Variants in USP30 observed in about 807,000 individuals in gnomAD.
USP30 encodes the protein ubiquitin carboxyl-terminal hydrolase 30.
In USP30, 41 loss-of-function variants were observed where a neutral mutation model predicts 68.2. The observed-to-expected ratio is 0.60, with a 90% CI of 0.47 to 0.78. The LOEUF is 0.78. Ranked by LOEUF, USP30 falls within the 30% of genes least tolerant of loss-of-function variation. The pLI is 0.00. For synonymous variants in USP30, 229 were observed against 253.7 expected, an observed-to-expected ratio of 0.90 and a Z score of 0.93; for missense variants, 522 against 649.4, an observed-to-expected ratio of 0.80 and a Z score of 2.13.
chr12:109,043,343 A>G (rs932093812), intron 3 of USP30, among the ~76,000 whole-genome samples: 1 of 152,202 alleles, frequency 6.6e-6, no homozygotes, highest in Non-Finnish European at 1.5e-5. Context: ...TTCATAACTT[A>G]CTACAAAGCC....
intron 3 of USP30, among the ~76,000 whole-genome samples, chr12:109,061,393 TAAAAA>T (rs57688181): frequency 1.4e-5 from 2 of 138,890 alleles, no homozygotes; most frequent in African/African-American, 5.3e-5. Flanking sequence ...AACTTTGGTT[TAAAAA>T]AAAAAAAAAA....
intron 3 of USP30, among the ~76,000 whole-genome samples, chr12:109,045,947 C>G (rs1388805845): frequency 2.0e-5 from 3 of 152,110 alleles, no homozygotes; most frequent in Non-Finnish European, 4.4e-5. Context: ...AGAATTGGCT[C>G]ACACAGTTGT....
chr12:109,083,086 G>A, intron 11 of USP30, 24 bp downstream of exon 11: 1 of 1,562,982 alleles, frequency 6.4e-7, no homozygotes, highest in Non-Finnish European at 8.7e-7. Flanking sequence ...AGGAGCCGAT[G>A]CAGCAGGAAT....
intron 3 of USP30, among the ~76,000 whole-genome samples, chr12:109,063,966 G>C (rs1050057490): frequency 2.5e-4 from 37 of 148,472 alleles, no homozygotes; most frequent in African/African-American, 8.0e-4. Flanking sequence ...TCCGCCTCCT[G>C]AGTTCTAAGC....
chr12:109,052,970 A>C lies in USP30; in HGVS notation c.83+209A>C, dbSNP rs1193918382. The C allele has an allele frequency of 2.3e-5, 10 of 439,644 alleles. No homozygotes were observed. In the Admixed American group the frequency reaches 4.0e-4, roughly 17 times the overall value. 27.2% of individuals were successfully genotyped at this position (439,644 alleles called of 1,614,324 possible). On this transcript the variant is annotated intron_variant, in intron 1 of 12. Transcript: ENST00000257548. ...CTTCGGCAACACCAATTCTGTCTGCACTCCCCAGGTCTGTCAGTCCCTCCC... is the reference window on the plus strand; with the variant it reads ...CTTCGGCAACACCAATTCTGTCTGCCCTCCCCAGGTCTGTCAGTCCCTCCC...
At chr12:109,024,029 G>C (rs1430908232) in intron 1 of USP30, among the ~76,000 whole-genome samples, 2 of 152,094 alleles carry the variant, frequency 1.3e-5, no homozygotes, top group Non-Finnish European at 2.9e-5. Context: ...GGTTAAAGCA[G>C]GCTCAGTCCT....
At position 109,086,005 on chromosome 12, in the gene USP30, G is replaced by T; in HGVS notation, c.*74G>T. 1 of 1,502,150 alleles carries T rather than the reference G, an allele frequency of 6.7e-7. No homozygotes were observed. The highest frequency in any genetic ancestry group is 1.4e-5 in the African/African-American group (1 of 72,402). 93.1% of individuals were successfully genotyped at this position (1,502,150 alleles called of 1,614,324 possible). ...AGGAAAAAAGTAAAACTGTACTGTT[G>T]CGTGTGCAAGCGGCCCCACTAGAGC... On this transcript the variant is annotated 3_prime_UTR_variant, in exon 13 of 13. Coordinates refer to ENST00000257548, the MANE Select transcript of USP30 (RefSeq NM_032663.5).
intron 3 of USP30, among the ~76,000 whole-genome samples, chr12:109,046,672 C>T (rs907050984): frequency 9.2e-5 from 14 of 152,132 alleles, no homozygotes; most frequent in African/African-American, 3.1e-4. Context: ...AGCCAGCCAG[C>T]TGGAAGGTCT....
intron 3 of USP30, among the ~76,000 whole-genome samples, chr12:109,059,499 A>G (rs1003640245): frequency 1.3e-5 from 2 of 150,986 alleles, no homozygotes; most frequent in Non-Finnish European, 2.9e-5. Flanking sequence ...CCTGGCCCCA[A>G]CTTCATTTTT....
chr12:109,060,686 G>A lies in USP30; in HGVS notation c.376+2578G>A, dbSNP rs564400837. 2.6e-5 allele frequency among the ~76,000 whole-genome samples: 4 copies of A among 152,050 alleles called. No homozygotes were observed. In the East Asian group the frequency reaches 5.8e-4, roughly 22 times the overall value. ...TTCCTTTTTTTTTGAGATGAGTCTC[G>A]TCTTGTCACTCAGGCTGGAATGCAG... On this transcript the variant is annotated intron_variant, in intron 3 of 12. Transcript: ENST00000257548.
At chr12:109,079,339 C>CTTTTTTTTT (rs750712233) in intron 7 of USP30, among the ~76,000 whole-genome samples, 103 of 62,258 alleles carry the variant, frequency 1.7e-3, no homozygotes, top group Admixed American at 2.3e-3. Context: ...TTTTCTTTTT[C>CTTTTTTTTT]TTTTTTTTTT....
upstream of USP30, among the ~76,000 whole-genome samples, chr12:109,050,197 G>A (rs2040646787): frequency 6.6e-6 from 1 of 152,164 alleles, no homozygotes; most frequent in Non-Finnish European, 1.5e-5. Flanking sequence ...GGGAGGCTGA[G>A]ACAGGAGAAT....
At chr12:109,050,945 G>C (rs1195191097), upstream of USP30, among the ~76,000 whole-genome samples, 2 of 151,940 alleles carry the variant, frequency 1.3e-5, no homozygotes, top group Non-Finnish European at 2.9e-5. Flanking sequence ...AGGCGAGATC[G>C]TGCCATTGCA....
chr12:109,028,664 G>C (rs1312960618), intron 3 of USP30, among the ~76,000 whole-genome samples: 1 of 152,042 alleles, frequency 6.6e-6, no homozygotes, highest in Non-Finnish European at 1.5e-5. Context: ...TTTTAGTAGA[G>C]AGGGGTTTCA....
chr12:109,053,725 C>T (rs915692162), intron 1 of USP30: 1 of 243,712 alleles, frequency 4.1e-6, no homozygotes, highest in African/African-American at 2.3e-5. Flanking sequence ...ATCTTTTCAT[C>T]CGCAGGCCCC....
chr12:109,050,477 T>C (rs1032788804), upstream of USP30, among the ~76,000 whole-genome samples: 1 of 152,180 alleles, frequency 6.6e-6, no homozygotes, highest in Admixed American at 6.5e-5. Context: ...ATCTAATGCA[T>C]TGATTTCTTT....
At chr12:109,048,016 G>A (rs553224647), upstream of USP30, among the ~76,000 whole-genome samples, 3 of 151,096 alleles carry the variant, frequency 2.0e-5, no homozygotes, top group South Asian at 6.3e-4. Context: ...GTATCTCGGA[G>A]TTTTCCAGAG....
At chr12:109,068,978 T>C (rs1247984436) in intron 4 of USP30, among the ~76,000 whole-genome samples, 1 of 152,242 alleles carries the variant, frequency 6.6e-6, no homozygotes, top group Non-Finnish European at 1.5e-5. Flanking sequence ...GAGGATGCAT[T>C]GGGCCAAAGG....
intron 7 of USP30, among the ~76,000 whole-genome samples, chr12:109,079,333 C>G (rs372549231): frequency 2.0e-4 from 7 of 34,608 alleles, no homozygotes; most frequent in African/African-American, 6.9e-4. Context: ...TTTTTCTTTT[C>G]TTTTTCTTTT....
Sources: gnomAD v4.1 joint callset for allele counts (sites outside exome capture counted in the v4.1 genomes callset) on GRCh38, gnomAD v4.1.1 for gene constraint, MANE v1.5 for transcripts, NCBI Gene and HGNC (gene_info 2026-07-23, HGNC 2026-07-21) for gene names.